NAALADL2: variants seen among roughly 807,000 people sequenced by gnomAD.
NAALADL2 encodes inactive N-acetylated-alpha-linked acidic dipeptidase-like protein 2.
NAALADL2 carries 76 observed loss-of-function variants against 87.2 expected under a neutral mutation model. That is an observed-to-expected ratio of 0.87 (90% CI 0.72 to 1.05). The LOEUF is 1.05. Ranked by LOEUF, NAALADL2 falls within the 50% of genes least tolerant of loss-of-function variation. The pLI is 0.00. For missense variants in NAALADL2, 1,089 were observed against 945.8 expected, an observed-to-expected ratio of 1.15 and a Z score of -1.99; for synonymous variants, 354 against 331.0, an observed-to-expected ratio of 1.07 and a Z score of -0.75.
chr3:175,632,874 G>A (rs902899844), intron 11 of NAALADL2, among the ~76,000 whole-genome samples: 4 of 151,992 alleles, frequency 2.6e-5, no homozygotes, highest in African/African-American at 9.7e-5. Flanking sequence ...GTCACATGTG[G>A]ATTGAAAAAT....
At chr3:174,469,380 C>T (rs1191567695) in intron 1 of NAALADL2, among the ~76,000 whole-genome samples, 2 of 151,822 alleles carry the variant, frequency 1.3e-5, no homozygotes, top group African/African-American at 4.8e-5. Context: ...GCGTCAGCCT[C>T]CGGAATAACT....
chr3:174,598,668 CT>C (rs147897568), intron 2 of NAALADL2, among the ~76,000 whole-genome samples: 3,281 of 152,144 alleles, frequency 0.022, 115 homozygotes, highest in African/African-American at 0.074. Context: ...ATCAGGTCTC[CT>C]GTAGTAACTT....
intron 11 of NAALADL2, among the ~76,000 whole-genome samples, chr3:175,713,391 T>C (rs1197425976): frequency 6.6e-6 from 1 of 152,156 alleles, no homozygotes; most frequent in Non-Finnish European, 1.5e-5. Context: ...TGACAGTCTG[T>C]GGTGATTCAT....
chr3:174,547,924 C>T (rs1439949528), intron 1 of NAALADL2, among the ~76,000 whole-genome samples: 3 of 152,118 alleles, frequency 2.0e-5, no homozygotes, highest in Admixed American at 6.6e-5. Flanking sequence ...CCAATTTGTA[C>T]CTCATTGATG....
chr3:174,982,055 T>C (rs1004232079), intron 1 of NAALADL2, among the ~76,000 whole-genome samples: 1 of 152,128 alleles, frequency 6.6e-6, no homozygotes, highest in African/African-American at 2.4e-5. Context: ...TAGTCAAAAT[T>C]TTGTCAATAG....
At chr3:174,603,891 C>T (rs1429327977) in intron 2 of NAALADL2, among the ~76,000 whole-genome samples, 1 of 151,832 alleles carries the variant, frequency 6.6e-6, no homozygotes, top group Non-Finnish European at 1.5e-5. Flanking sequence ...TTTTGTTATT[C>T]ATTTCTACTT....
At chr3:175,548,831 G>C (rs987735412) in intron 9 of NAALADL2, among the ~76,000 whole-genome samples, 2 of 152,002 alleles carry the variant, frequency 1.3e-5, no homozygotes, top group African/African-American at 4.8e-5. Flanking sequence ...GATCATTAGT[G>C]CTTGCTGAAG....
intron 1 of NAALADL2, among the ~76,000 whole-genome samples, chr3:175,067,461 A>G (rs1263532679): frequency 6.6e-6 from 1 of 152,294 alleles, no homozygotes; most frequent in Non-Finnish European, 1.5e-5. Flanking sequence ...AAAACAAGAC[A>G]TATCAGCGGC....
intron 1 of NAALADL2, among the ~76,000 whole-genome samples, chr3:175,021,824 A>G (rs1296381455): frequency 1.3e-5 from 2 of 152,216 alleles, no homozygotes; most frequent in South Asian, 2.1e-4. Context: ...GTTGTTAAGT[A>G]CTGCATTTGG....
At chr3:175,342,911 C>A (rs2148844856) in intron 5 of NAALADL2, among the ~76,000 whole-genome samples, 2 of 152,052 alleles carry the variant, frequency 1.3e-5, no homozygotes, top group East Asian at 3.9e-4. Flanking sequence ...CAATATGGTA[C>A]CAATCAGTTA....
At chr3:175,688,683 G>A (rs1310403939) in intron 11 of NAALADL2, among the ~76,000 whole-genome samples, 2 of 152,134 alleles carry the variant, frequency 1.3e-5, no homozygotes, top group East Asian at 1.9e-4. Flanking sequence ...ATGGAGAGGA[G>A]GGTGGATGGA....
rs144306667 is a variant in NAALADL2 at position 175,522,808 on chromosome 3, T to C, written c.1653+51050T>C. 8.5e-5 allele frequency among the ~76,000 whole-genome samples: 13 copies of C among 152,360 alleles called. No individual in the cohort carries two copies. In the East Asian group the frequency reaches 2.5e-3, roughly 29 times the overall value. ...TGATTTTGATTATGGAAATTACTTT[T>C]GGTAAACTGTAGTTGGGGAGTCTTT... On this transcript the variant is annotated intron_variant, in intron 9 of 13. Transcript: ENST00000454872.
At chr3:175,305,246 G>C (rs1338009657) in intron 4 of NAALADL2, among the ~76,000 whole-genome samples, 1 of 124,754 alleles carries the variant, frequency 8.0e-6, no homozygotes, top group African/African-American at 4.0e-5. Flanking sequence ...GTGTGTGTTT[G>C]TGTATGTGTG....
chr3:175,645,959 G>A (rs1006051621), intron 11 of NAALADL2, among the ~76,000 whole-genome samples: 1 of 152,104 alleles, frequency 6.6e-6, no homozygotes, highest in Non-Finnish European at 1.5e-5. Flanking sequence ...TGGTTCAGTG[G>A]TCTGACAGTG....
chr3:175,171,663 A>G (rs914243569), intron 2 of NAALADL2, among the ~76,000 whole-genome samples: 1 of 152,162 alleles, frequency 6.6e-6, no homozygotes, highest in Admixed American at 6.6e-5. Context: ...CTATATCTAT[A>G]TAATCTATTA....
At chr3:174,507,790 A>T (rs143413693) in intron 1 of NAALADL2, among the ~76,000 whole-genome samples, 8 of 152,136 alleles carry the variant, frequency 5.3e-5, no homozygotes, top group Non-Finnish European at 7.4e-5. Context: ...GTTTATCCAC[A>T]TATGAACATT....
At chr3:175,182,550 G>GTTTTTTTTTTTTTTTTTTTTTTTTTT (rs1161831796) in intron 2 of NAALADL2, among the ~76,000 whole-genome samples, 2 of 69,440 alleles carry the variant, frequency 2.9e-5, no homozygotes, top group African/African-American at 1.2e-4. Context: ...ACCACAGCCA[G>GTTTTTTTTTTTTTTTTTTTTTTTTTT]TTTTTTTTTT....
chr3:175,761,649 T>A (rs1178909257), intron 13 of NAALADL2, among the ~76,000 whole-genome samples: 2 of 152,202 alleles, frequency 1.3e-5, no homozygotes, highest in Non-Finnish European at 2.9e-5. Context: ...TTGCTCCACA[T>A]CTTCATCCGC....
At chr3:174,747,368 C>A (rs1206736387) in intron 3 of NAALADL2, among the ~76,000 whole-genome samples, 2 of 151,952 alleles carry the variant, frequency 1.3e-5, no homozygotes, top group Admixed American at 1.3e-4. Flanking sequence ...CAAATCAATA[C>A]CACAGTGAGA....
Sources: gnomAD v4.1 joint callset for allele counts (sites outside exome capture counted in the v4.1 genomes callset) on GRCh38, gnomAD v4.1.1 for gene constraint, MANE v1.5 for transcripts, NCBI Gene and HGNC (gene_info 2026-07-23, HGNC 2026-07-21) for gene names.